SELENOF: variants seen among roughly 807,000 people sequenced by gnomAD.
SELENOF encodes the protein selenoprotein F.
SELENOF carries 16 observed loss-of-function variants against 20.5 expected under a neutral mutation model. The observed-to-expected ratio is 0.78, with a 90% CI of 0.53 to 1.19. The LOEUF (loss-of-function observed/expected upper bound fraction) is 1.19, where lower values mean the gene tolerates loss of function less well. SELENOF is among the 50% of genes most tolerant of loss of function. SELENOF has a pLI of 0.00. For missense variants in SELENOF, 215 were observed against 194.2 expected (o/e 1.11, Z -0.64); for synonymous variants, 78 against 74.5 (o/e 1.05, Z -0.24).
chr1:86,884,974 C>G (rs1041090223), intron 2 of SELENOF, among the ~76,000 whole-genome samples: 1 of 152,180 alleles, frequency 6.6e-6, no homozygotes, highest in Non-Finnish European at 1.5e-5. Context: ...ATATGGTTCT[C>G]TGGGTGGGGG....
At chr1:86,889,092 A>C (rs532187365) in intron 2 of SELENOF, among the ~76,000 whole-genome samples, 14 of 152,306 alleles carry the variant, frequency 9.2e-5, no homozygotes, top group Middle Eastern at 3.4e-3. Context: ...TAATAATCCA[A>C]GAGTTTCAAT....
At chr1:86,899,894 C>G (rs1212652003) in intron 2 of SELENOF, among the ~76,000 whole-genome samples, 1 of 149,694 alleles carries the variant, frequency 6.7e-6, no homozygotes, top group Non-Finnish European at 1.5e-5. Flanking sequence ...CAGAGACGCT[C>G]CTCACCTCCC....
intron 1 of SELENOF, among the ~76,000 whole-genome samples, chr1:86,907,986 C>CAA (rs1415012719): frequency 9.4e-6 from 1 of 106,358 alleles, no homozygotes; most frequent in Admixed American, 1.0e-4. Flanking sequence ...ATCGCCATCT[C>CAA]AAAAAAAAAA....
chr1:86,907,882 A>C (rs1659871186), intron 1 of SELENOF, among the ~76,000 whole-genome samples: 1 of 151,802 alleles, frequency 6.6e-6, no homozygotes, highest in Non-Finnish European at 1.5e-5. Flanking sequence ...GTTACTCAGG[A>C]GGCTGAGGCA....
intron 2 of SELENOF, chr1:86,887,249 G>T: frequency 6.6e-7 from 1 of 1,519,182 alleles, no homozygotes; most frequent in South Asian, 1.3e-5. Context: ...AACAAAGCTG[G>T]CAAATATAAT....
chr1:86,866,585 C>A (rs1658601800), intron 4 of SELENOF, among the ~76,000 whole-genome samples: 1 of 151,952 alleles, frequency 6.6e-6, no homozygotes, highest in South Asian at 2.1e-4. Flanking sequence ...CTGTAGTACA[C>A]TTAAAATTGG....
intron 2 of SELENOF, among the ~76,000 whole-genome samples, chr1:86,893,314 A>G (rs1659435459): frequency 6.6e-6 from 1 of 152,144 alleles, no homozygotes; most frequent in Non-Finnish European, 1.5e-5. Flanking sequence ...GATGAAAATT[A>G]AACTCTCGGC....
At chr1:86,869,756 T>C (rs1012335115) in intron 3 of SELENOF, among the ~76,000 whole-genome samples, 48 of 152,046 alleles carry the variant, frequency 3.2e-4, no homozygotes, top group African/African-American at 1.0e-3. Flanking sequence ...TTTCTTTCTT[T>C]CTTTCTTTTT....
At chr1:86,872,426 T>C (rs1050394193) in intron 3 of SELENOF, among the ~76,000 whole-genome samples, 1 of 152,194 alleles carries the variant, frequency 6.6e-6, no homozygotes, top group African/African-American at 2.4e-5. Context: ...TGGAATGCAA[T>C]TGCACGATCT....
intron 4 of SELENOF, among the ~76,000 whole-genome samples, chr1:86,864,640 CTTT>C (rs138955916): frequency 2.2e-5 from 3 of 138,782 alleles, no homozygotes. Flanking sequence ...GGTCAGGTTA[CTTT>C]TTTTTTTTTT....
At chr1:86,870,007 T>TCA (rs1658717634) in intron 3 of SELENOF, among the ~76,000 whole-genome samples, 1 of 152,166 alleles carries the variant, frequency 6.6e-6, no homozygotes, top group Non-Finnish European at 1.5e-5. Context: ...TCTCCTGACC[T>TCA]TGTGATCCGC....
chr1:86,868,819 A>G (rs774191985), intron 3 of SELENOF, among the ~76,000 whole-genome samples: 6 of 152,154 alleles, frequency 3.9e-5, no homozygotes, highest in Admixed American at 1.3e-4. Context: ...AGATACGCCT[A>G]TGTAAAAATG....
intron 2 of SELENOF, among the ~76,000 whole-genome samples, chr1:86,895,490 A>G (rs536386): frequency 0.26 from 39,352 of 152,044 alleles, 6,275 homozygotes; most frequent in African/African-American, 0.45. Context: ...CCTCATAATC[A>G]CCCTATGAGA....
intron 4 of SELENOF, among the ~76,000 whole-genome samples, chr1:86,866,806 C>T (rs1409207901): frequency 1.3e-5 from 2 of 152,114 alleles, no homozygotes; most frequent in Non-Finnish European, 2.9e-5. Flanking sequence ...GTAACAATAC[C>T]TAAAGCTGGT....
intron 2 of SELENOF, among the ~76,000 whole-genome samples, chr1:86,888,537 G>C (rs945738414): frequency 6.6e-6 from 1 of 152,320 alleles, no homozygotes; most frequent in East Asian, 1.9e-4. Flanking sequence ...TTCTCCCGAA[G>C]TGTTAGGATT....
chr1:86,891,282 C>T (rs1474410235), intron 2 of SELENOF, among the ~76,000 whole-genome samples: 3 of 152,012 alleles, frequency 2.0e-5, no homozygotes, highest in African/African-American at 7.2e-5. Context: ...CTCCCGACCT[C>T]AGGTGATCTG....
intron 3 of SELENOF, among the ~76,000 whole-genome samples, 198 bp downstream of exon 3, chr1:86,880,464 G>GT (rs535602310): frequency 3.3e-5 from 5 of 151,466 alleles, no homozygotes; most frequent in South Asian, 2.1e-4. Flanking sequence ...CATATATTGT[G>GT]TTTTTTTTAA....
At chr1:86,864,640 CTT>C (rs138955916) in intron 4 of SELENOF, among the ~76,000 whole-genome samples, 22 of 138,694 alleles carry the variant, frequency 1.6e-4, no homozygotes, top group Non-Finnish European at 1.9e-4. Context: ...GGTCAGGTTA[CTT>C]TTTTTTTTTT....
intron 2 of SELENOF, among the ~76,000 whole-genome samples, chr1:86,885,695 A>G (rs983272502): frequency 1.3e-5 from 2 of 152,216 alleles, no homozygotes; most frequent in African/African-American, 4.8e-5. Context: ...GTCAAACTAA[A>G]TATCAAATTT....
Sources: gnomAD v4.1 joint callset for allele counts (sites outside exome capture counted in the v4.1 genomes callset) on GRCh38, gnomAD v4.1.1 for gene constraint, MANE v1.5 for transcripts, NCBI Gene and HGNC (gene_info 2026-07-23, HGNC 2026-07-21) for gene names.